Variants in SRGAP2 observed in about 807,000 individuals in gnomAD.
SRGAP2 encodes the protein SLIT-ROBO Rho GTPase-activating protein 2.
SRGAP2 carries 15 observed loss-of-function variants against 57.2 expected under a neutral mutation model. The observed-to-expected ratio is 0.26, with a 90% CI of 0.18 to 0.40. The LOEUF (loss-of-function observed/expected upper bound fraction) is 0.40, where lower values mean the gene tolerates loss of function less well. SRGAP2 is among the 10% of genes least tolerant of loss of function. SRGAP2 has a pLI of 1.00. For synonymous variants in SRGAP2, 249 were observed against 248.0 expected, an observed-to-expected ratio of 1.00 and a Z score of -0.04; for missense variants, 520 against 669.6, an observed-to-expected ratio of 0.78 and a Z score of 2.47.
chr1:206,341,733 C>G (rs1450119583), intron 3 of SRGAP2, among the ~76,000 whole-genome samples: 1 of 152,180 alleles, frequency 6.6e-6, no homozygotes, highest in Non-Finnish European at 1.5e-5. Context: ...CGCGGTGGCT[C>G]ACTCCTATAA....
intron 2 of SRGAP2, among the ~76,000 whole-genome samples, chr1:206,286,425 A>C (rs1175550619): frequency 6.6e-6 from 1 of 151,886 alleles, no homozygotes; most frequent in Non-Finnish European, 1.5e-5. Context: ...AGAAGCCAGC[A>C]ATAAATTGTT....
At chr1:206,211,047 T>G (rs1666283346) in intron 2 of SRGAP2, among the ~76,000 whole-genome samples, 1 of 152,036 alleles carries the variant, frequency 6.6e-6, no homozygotes. Context: ...CAGTGTACTG[T>G]GCAAAGAAGC....
chr1:206,413,357 A>G (rs1553360238), intron 10 of SRGAP2, among the ~76,000 whole-genome samples: 1 of 152,140 alleles, frequency 6.6e-6, no homozygotes, highest in African/African-American at 2.4e-5. Flanking sequence ...TTCCAAACCC[A>G]CAATTAGGCA....
rs782566200 is a variant in SRGAP2 at position 206,312,959 on chromosome 1, G to GT, written c.260+9497dup. Among the ~76,000 whole-genome samples, 558 of 70,858 alleles carry GT rather than the reference G, an allele frequency of 7.9e-3. 3 individuals carry two copies. Among genetic ancestry groups the GT allele is most frequent in the Admixed American group, 0.01 (78 of 7,614 alleles). The allele number at this position is 70,858 out of a possible 152,430, so 46.5% of individuals were successfully genotyped here. Reference sequence around the variant, plus strand: ...TTGATAATGCATTGGCTGTTTGTTTGTTTTTTTTTTTAAATAGACTTGCTG... The same window carrying GT: ...TTGATAATGCATTGGCTGTTTGTTTGTTTTTTTTTTTTAAATAGACTTGCTG... On this transcript the variant is annotated intron_variant, in intron 3 of 22. Coordinates refer to ENST00000573034, the MANE Select transcript of SRGAP2 (RefSeq NM_015326.5).
At chr1:206,378,914 TA>T (rs1168566138) in intron 4 of SRGAP2, among the ~76,000 whole-genome samples, 3 of 152,152 alleles carry the variant, frequency 2.0e-5, no homozygotes, top group African/African-American at 7.2e-5. Flanking sequence ...TGTATTGCAA[TA>T]AAAAATGTAT....
chr1:206,393,495 G>A lies in SRGAP2; in HGVS notation c.703-50G>A, dbSNP rs572483097. 50 of 749,556 alleles carry A rather than the reference G, an allele frequency of 6.7e-5. 1 individual carries two copies. In the African/African-American group the frequency reaches 7.4e-4, roughly 11 times the overall value. The allele number at this position is 749,556 out of a possible 1,614,324, so 46.4% of individuals were successfully genotyped here. A position where few individuals can be genotyped will look rare whatever the true frequency, so the allele number is the denominator to read the frequency against. Reference sequence around the variant, plus strand: ...TGTACTTTTATCTTTTAGAGAACAAGCCCCCCTTAAAAAAAAAAAGGTAAA... The same window carrying A: ...TGTACTTTTATCTTTTAGAGAACAAACCCCCCTTAAAAAAAAAAAGGTAAA... On this transcript the variant is annotated intron_variant, in intron 6 of 22. Transcript: ENST00000573034.
chr1:206,279,086 A>C (rs1354927203), intron 2 of SRGAP2, among the ~76,000 whole-genome samples: 3 of 101,908 alleles, frequency 2.9e-5, no homozygotes, highest in Non-Finnish European at 5.6e-5. Context: ...CGTCTTCTGA[A>C]CTCCATAAGA....
intron 16 of SRGAP2, among the ~76,000 whole-genome samples, chr1:206,439,542 G>A (rs182800638): frequency 1.4e-3 from 212 of 152,054 alleles, no homozygotes; most frequent in Admixed American, 2.4e-3. Context: ...GTTGGCGGCA[G>A]CTCCCTGTCA....
intron 2 of SRGAP2, among the ~76,000 whole-genome samples, chr1:206,256,866 T>C (rs1553312502): frequency 6.6e-6 from 1 of 152,030 alleles, no homozygotes; most frequent in Non-Finnish European, 1.5e-5. Flanking sequence ...TGGGTACTTA[T>C]TGAGTTACCA....
chr1:206,438,765 C>G (rs571266378), intron 16 of SRGAP2, among the ~76,000 whole-genome samples: 1 of 152,318 alleles, frequency 6.6e-6, no homozygotes, highest in South Asian at 2.1e-4. Context: ...TGGAAGCAGG[C>G]CCTGTCTGAC....
In SRGAP2 at chr1:206,373,021, CT is replaced by C. The variant is rs1553343002; in HGVS notation, c.424-10990del. Among the ~76,000 whole-genome samples the C allele has an allele frequency of 8.3e-4, 83 of 100,174 alleles. 2 individuals are homozygous for C. Among genetic ancestry groups the C allele is most frequent in the Non-Finnish European group, 1.2e-3 (60 of 49,016 alleles). 65.7% of individuals were successfully genotyped at this position (100,174 alleles called of 152,430 possible). A position where few individuals can be genotyped will look rare whatever the true frequency, so the allele number is the denominator to read the frequency against. ...TCTTTCTTTCTTTCTTTCTTTCTTT[CT>C]TTCTTTTCTTTCTCTCTCTCTCTCT... On this transcript the variant is annotated intron_variant, in intron 4 of 22. Coordinates refer to ENST00000573034, the MANE Select transcript of SRGAP2 (RefSeq NM_015326.5).
At chr1:206,410,386 G>T (rs1371784613) in intron 10 of SRGAP2, among the ~76,000 whole-genome samples, 2 of 151,994 alleles carry the variant, frequency 1.3e-5, no homozygotes, top group African/African-American at 4.8e-5. Flanking sequence ...CTTTTTTATT[G>T]TGATTGTTAA....
intron 14 of SRGAP2, 86 bp downstream of exon 14, chr1:206,430,308 G>T: frequency 1.3e-6 from 1 of 751,026 alleles, no homozygotes; most frequent in South Asian, 1.4e-5. Flanking sequence ...AATAGAGATT[G>T]ACTTCCCATC....
chr1:206,415,851 G>A (rs782743573), intron 10 of SRGAP2, 38 bp from the exon 11 acceptor site: 1 of 760,170 alleles, frequency 1.3e-6, no homozygotes, highest in Non-Finnish European at 2.4e-6. Context: ...TTCTTCTTCA[G>A]GAGTCTGATT....
chr1:206,303,884 TCTCTCA>T (rs1320989819), intron 3 of SRGAP2, among the ~76,000 whole-genome samples: 370 of 142,598 alleles, frequency 2.6e-3, no homozygotes, highest in African/African-American at 9.2e-3. Context: ...TCTCTCTCTC[TCTCTCA>T]CACACACACA....
chr1:206,455,087 G>A (rs1346423526), intron 21 of SRGAP2, 63 bp downstream of exon 21: 11 of 777,584 alleles, frequency 1.4e-5, no homozygotes, highest in Non-Finnish European at 2.6e-5. Context: ...CTCACCCTCT[G>A]GCCTAACCCC....
rs1346928807 is a variant in SRGAP2 at position 206,220,641 on chromosome 1, C to T, written c.67+14604C>T. Among the ~76,000 whole-genome samples the T allele has an allele frequency of 3.3e-5, 5 of 152,296 alleles. No homozygotes were observed. In the East Asian group the frequency reaches 9.6e-4, roughly 29 times the overall value. ...TCCAGTGACCCAATCTATAAATGGT[C>T]AGTTCCTTCATTTGCAGAACTTGAA... On this transcript the variant is annotated intron_variant, in intron 2 of 22. Transcript: ENST00000573034.
At chr1:206,316,668 G>A (rs12119357) in intron 3 of SRGAP2, among the ~76,000 whole-genome samples, 2 of 147,472 alleles carry the variant, frequency 1.4e-5, no homozygotes, top group African/African-American at 5.1e-5. Flanking sequence ...TGATTTTCTC[G>A]TCCTCTTGGA....
intron 2 of SRGAP2, among the ~76,000 whole-genome samples, chr1:206,260,911 T>C (rs1363855204): frequency 6.6e-6 from 1 of 152,274 alleles, no homozygotes; most frequent in Non-Finnish European, 1.5e-5. Flanking sequence ...TCCCAATTAC[T>C]CGTATTCACG....
Sources: gnomAD v4.1 joint callset for allele counts (sites outside exome capture counted in the v4.1 genomes callset) on GRCh38, gnomAD v4.1.1 for gene constraint, MANE v1.5 for transcripts, NCBI Gene and HGNC (gene_info 2026-07-23, HGNC 2026-07-21) for gene names.